The following HNF4G variants were observed in gnomAD, a reference collection of about 807,000 sequenced individuals.
HNF4G encodes hepatocyte nuclear factor 4 gamma.
In HNF4G, 21 loss-of-function variants were observed where a neutral mutation model predicts 50.9. The ratio of observed to expected loss-of-function variants is 0.41; its 90% confidence interval spans 0.29 to 0.59. HNF4G has a LOEUF of 0.59. HNF4G is among the 20% of genes least tolerant of loss of function. HNF4G has a pLI of 0.26. For synonymous variants in HNF4G, 198 were observed against 185.6 expected, an observed-to-expected ratio of 1.07 and a Z score of -0.54; for missense variants, 527 against 559.4, an observed-to-expected ratio of 0.94 and a Z score of 0.58.
intron 3 of HNF4G, 109 bp from the exon 4 acceptor site, chr8:75,551,279 G>T: frequency 1.6e-6 from 1 of 610,448 alleles, no homozygotes; most frequent in South Asian, 2.2e-5. Context: ...AGGTCTTTTA[G>T]AAAGACTTTT....
intron 1 of HNF4G, among the ~76,000 whole-genome samples, chr8:75,442,693 A>G (rs974535609): frequency 9.9e-5 from 15 of 152,216 alleles, no homozygotes; most frequent in Non-Finnish European, 2.2e-4. Context: ...ATAATTAAAA[A>G]TTAATACCCA....
chr8:75,529,974 G>A (rs187229677), intron 2 of HNF4G, among the ~76,000 whole-genome samples: 208 of 152,264 alleles, frequency 1.4e-3, no homozygotes, highest in African/African-American at 4.7e-3. Context: ...AAGGCCAGGA[G>A]GGTAATAACA....
At chr8:75,519,882 T>G (rs1728458301) in intron 2 of HNF4G, among the ~76,000 whole-genome samples, 1 of 152,148 alleles carries the variant, frequency 6.6e-6, no homozygotes, top group Admixed American at 6.5e-5. Flanking sequence ...TCATAGTCTC[T>G]GTATTTCAGC....
chr8:75,515,753 T>C (rs1805870351), intron 2 of HNF4G, among the ~76,000 whole-genome samples: 1 of 151,002 alleles, frequency 6.6e-6, no homozygotes, highest in Admixed American at 6.6e-5. Context: ...ACCACTGACA[T>C]TCATGGGGGC....
intron 2 of HNF4G, among the ~76,000 whole-genome samples, chr8:75,544,438 G>A (rs981174495): frequency 6.6e-6 from 1 of 152,026 alleles, no homozygotes; most frequent in African/African-American, 2.4e-5. Context: ...TTTTTTAAGT[G>A]CCATTACATC....
chr8:75,558,108 G>T (rs967199788), intron 6 of HNF4G, among the ~76,000 whole-genome samples: 3 of 152,116 alleles, frequency 2.0e-5, no homozygotes, highest in Non-Finnish European at 4.4e-5. Flanking sequence ...AGAATGCCTA[G>T]AGTATCAAAG....
rs75012598 is a variant in HNF4G, at chr8:75,529,682, G to A, written c.-23-14129G>A. 2.7e-4 allele frequency among the ~76,000 whole-genome samples: 41 copies of A among 151,898 alleles called. No individual in the cohort carries two copies. In the East Asian group the frequency reaches 8.0e-3, roughly 30 times the overall value. On this transcript the variant is annotated intron_variant, in intron 2 of 10. Transcript: ENST00000354370. The stretch of plus-strand genomic sequence containing the variant: ...AATGAACCAAAAAGAAACAGAAAAG[G>A]GTTCTGTGAGAGAGAACTATGGGGA...
At chr8:75,445,187 C>T (rs1811395404) in intron 1 of HNF4G, among the ~76,000 whole-genome samples, 1 of 111,708 alleles carries the variant, frequency 9.0e-6, no homozygotes, top group Admixed American at 9.7e-5. Flanking sequence ...CTACTGGGTA[C>T]ATAACGAAAT....
At position 75,482,015 on chromosome 8, in the gene HNF4G, G is replaced by A. The variant is rs1039169815; in HGVS notation, c.-143-8074G>A. Among the ~76,000 whole-genome samples the A allele has an allele frequency of 2.7e-4, 41 of 152,070 alleles. 2 individuals are homozygous for A. On this transcript the variant is annotated intron_variant, in intron 1 of 10. Transcript: ENST00000354370. ...TGTGTATAAGCTTGAATAAAATCATGATATTGAAGTTTTTAAAAATCTAGT... is the reference window on the plus strand; with the variant it reads ...TGTGTATAAGCTTGAATAAAATCATAATATTGAAGTTTTTAAAAATCTAGT...
At chr8:75,427,724 C>T (rs1484735947) in intron 1 of HNF4G, among the ~76,000 whole-genome samples, 1 of 151,700 alleles carries the variant, frequency 6.6e-6, no homozygotes, top group African/African-American at 2.4e-5. Context: ...GCCTATGTTT[C>T]TTTGATTTAG....
intron 1 of HNF4G, among the ~76,000 whole-genome samples, chr8:75,442,217 A>T (rs1563508003): frequency 6.6e-6 from 1 of 152,278 alleles, no homozygotes; most frequent in Non-Finnish European, 1.5e-5. Flanking sequence ...GATTTAATCA[A>T]GTTAAGGTAC....
intron 8 of HNF4G, among the ~76,000 whole-genome samples, chr8:75,559,944 A>G (rs753035448): frequency 1.3e-5 from 2 of 152,118 alleles, no homozygotes; most frequent in Non-Finnish European, 2.9e-5. Context: ...CATTATATTT[A>G]TTTTTAGTTT....
At chr8:75,529,102 C>G (rs914438430) in intron 2 of HNF4G, among the ~76,000 whole-genome samples, 19 of 151,252 alleles carry the variant, frequency 1.3e-4, no homozygotes, top group Non-Finnish European at 2.4e-4. Flanking sequence ...CTGCCTAACA[C>G]GGTGAAACCC....
intron 2 of HNF4G, 124 bp from the exon 3 acceptor site, chr8:75,547,463 T>G: frequency 1.5e-6 from 1 of 672,084 alleles, no homozygotes; most frequent in Non-Finnish European, 2.6e-6. Context: ...CATAGCTGAT[T>G]GTTCCTATAC....
chr8:75,452,272 G>C (rs77206791), intron 1 of HNF4G, among the ~76,000 whole-genome samples: 1 of 152,022 alleles, frequency 6.6e-6, no homozygotes, highest in Non-Finnish European at 1.5e-5. Flanking sequence ...AGTGGTTACA[G>C]TAGTAATATT....
chr8:75,540,105 GT>G (rs1806572831), intron 1 of HNF4G, 25 bp downstream of exon 1: 2 of 1,247,778 alleles, frequency 1.6e-6, no homozygotes, highest in Non-Finnish European at 2.4e-6. Context: ...GTTTATAGAT[GT>G]AAAGAAAAGT....
chr8:75,553,319 A>T, intron 5 of HNF4G, 122 bp downstream of exon 5: 2 of 780,756 alleles, frequency 2.6e-6, no homozygotes, highest in South Asian at 4.1e-5. Context: ...AAGATAAATT[A>T]GGAGGAAGGA....
At chr8:75,434,325 G>C (rs1157318519) in intron 1 of HNF4G, among the ~76,000 whole-genome samples, 4 of 151,880 alleles carry the variant, frequency 2.6e-5, no homozygotes, top group Admixed American at 1.3e-4. Flanking sequence ...TTTCCAAGAA[G>C]AAATCATAAT....
chr8:75,464,464 T>C (rs1811921500), intron 1 of HNF4G, among the ~76,000 whole-genome samples: 1 of 152,170 alleles, frequency 6.6e-6, no homozygotes, highest in Non-Finnish European at 1.5e-5. Flanking sequence ...CCTCAAAGTT[T>C]TATATTGTCT....
Sources: gnomAD v4.1 joint callset for allele counts (sites outside exome capture counted in the v4.1 genomes callset) on GRCh38, gnomAD v4.1.1 for gene constraint, MANE v1.5 for transcripts, NCBI Gene and HGNC (gene_info 2026-07-23, HGNC 2026-07-21) for gene names.